The following MTMR7 variants were observed in gnomAD, a reference collection of about 807,000 sequenced individuals.
The protein encoded by MTMR7 is phosphatidylinositol-3-phosphate phosphatase MTMR7.
MTMR7 carries 76 observed loss-of-function variants against 81.2 expected under a neutral mutation model. The ratio of observed to expected loss-of-function variants is 0.94; its 90% CI spans 0.78 to 1.13. The LOEUF (loss-of-function observed/expected upper bound fraction) is 1.13. Among genes scored for constraint, MTMR7 ranks in the 50% most tolerant of loss-of-function variants. The pLI is 0.00. For missense variants in MTMR7, 1,044 were observed against 820.0 expected, an observed-to-expected ratio of 1.27 and a Z score of -3.34; for synonymous variants, 372 against 289.8, an observed-to-expected ratio of 1.28 and a Z score of -2.88.
At chr8:17,343,272 C>G (rs1305418011) in intron 5 of MTMR7, among the ~76,000 whole-genome samples, 1 of 151,974 alleles carries the variant, frequency 6.6e-6, no homozygotes, top group African/African-American at 2.4e-5. Flanking sequence ...ACTAAAAATA[C>G]AACAAACATT....
At chr8:17,383,435 C>A (rs1820823610) in intron 1 of MTMR7, among the ~76,000 whole-genome samples, 1 of 152,190 alleles carries the variant, frequency 6.6e-6, no homozygotes, top group Admixed American at 6.5e-5. Context: ...TTAGCTGAGA[C>A]AAAGACATGA....
intron 1 of MTMR7, among the ~76,000 whole-genome samples, chr8:17,393,785 C>G (rs115407127): frequency 0.019 from 2,921 of 152,226 alleles, 93 homozygotes; most frequent in African/African-American, 0.067. Flanking sequence ...ATCTGTACAA[C>G]AAACCACTCT....
At chr8:17,308,851 C>T (rs1025086819) in intron 10 of MTMR7, among the ~76,000 whole-genome samples, 1 of 152,186 alleles carries the variant, frequency 6.6e-6, no homozygotes, top group African/African-American at 2.4e-5. Flanking sequence ...CCAGAGACAT[C>T]TGGGACAAAC....
At chr8:17,343,693 T>C (rs1394674469) in intron 5 of MTMR7, among the ~76,000 whole-genome samples, 1 of 152,238 alleles carries the variant, frequency 6.6e-6, no homozygotes, top group Admixed American at 6.5e-5. Context: ...ATGTGGTCGA[T>C]AAATTAAAAC....
chr8:17,320,715 G>A (rs780842951), intron 7 of MTMR7, among the ~76,000 whole-genome samples: 4 of 152,178 alleles, frequency 2.6e-5, no homozygotes, highest in African/African-American at 7.2e-5. Context: ...CTGATGCCTT[G>A]TGACAGTGCC....
intron 4 of MTMR7, chr8:17,349,289 C>G: frequency 2.0e-6 from 1 of 511,142 alleles, no homozygotes; most frequent in South Asian, 2.8e-5. Flanking sequence ...GGAACGCAAG[C>G]TACCCTTAGT....
At chr8:17,412,138 C>T (rs1045771369) in intron 1 of MTMR7, among the ~76,000 whole-genome samples, 1 of 152,230 alleles carries the variant, frequency 6.6e-6, no homozygotes, top group African/African-American at 2.4e-5. Flanking sequence ...TCGGAACTGA[C>T]ATTCTCCAGC....
rs1205902157 is a variant in MTMR7 at position 17,331,141 on chromosome 8, A to G, written c.865+9T>C. 1 of 1,609,450 alleles carries G rather than the reference A, an allele frequency of 6.2e-7. No individual in the cohort carries two copies. The highest frequency in any genetic ancestry group is 8.5e-7 in the Non-Finnish European group (1 of 1,178,752). On this transcript the variant is annotated intron_variant, in intron 7 of 13. Coordinates refer to ENST00000180173, the MANE Select transcript of MTMR7 (RefSeq NM_004686.5). ...GCATTTTAATGCTGTGCATAAGGAAATGGTTTACCTTCCAGCATTTTCTGC... is the reference window on the plus strand; with the variant it reads ...GCATTTTAATGCTGTGCATAAGGAAGTGGTTTACCTTCCAGCATTTTCTGC...
intron 7 of MTMR7, among the ~76,000 whole-genome samples, chr8:17,321,888 A>G (rs1818405827): frequency 6.6e-6 from 1 of 152,236 alleles, no homozygotes; most frequent in African/African-American, 2.4e-5. Context: ...GACAAAAGAT[A>G]TAATTTTAGG....
chr8:17,373,357 C>T lies in MTMR7; in HGVS notation c.25-117G>A, dbSNP rs1820478293. The T allele has an allele frequency of 3.1e-6, 4 of 1,297,026 alleles. No individual in the cohort carries two copies. In the East Asian group the frequency reaches 1.0e-4, roughly 33 times the overall value. 80.3% of individuals were successfully genotyped at this position (1,297,026 alleles called of 1,614,324 possible). On this transcript the variant is annotated intron_variant, in intron 1 of 13. Coordinates refer to ENST00000180173, the MANE Select transcript of MTMR7 (RefSeq NM_004686.5). ...AAAATACAATTTTTTGAGAATTCCC[C>T]CAATAATAAAAACCAAAAACTTCCC... is the stretch of plus-strand genomic sequence containing the variant.
At chr8:17,406,865 G>A (rs1402222393) in intron 1 of MTMR7, among the ~76,000 whole-genome samples, 1 of 151,978 alleles carries the variant, frequency 6.6e-6, no homozygotes, top group African/African-American at 2.4e-5. Context: ...GGTCACAAAA[G>A]GCCACATATT....
At chr8:17,377,522 T>A (rs1415663959) in intron 1 of MTMR7, among the ~76,000 whole-genome samples, 8 of 152,144 alleles carry the variant, frequency 5.3e-5, no homozygotes, top group African/African-American at 1.9e-4. Context: ...TTCTACTTTG[T>A]TAATTTCTGG....
chr8:17,322,395 A>T (rs4345598), intron 7 of MTMR7, among the ~76,000 whole-genome samples: 90,173 of 152,148 alleles, frequency 0.59, 28,867 homozygotes, highest in African/African-American at 0.83. Context: ...CTATTAGTAT[A>T]TATGAATGTG....
At chr8:17,399,216 T>A (rs901287205) in intron 1 of MTMR7, among the ~76,000 whole-genome samples, 3 of 151,982 alleles carry the variant, frequency 2.0e-5, no homozygotes. Context: ...GATGATATGA[T>A]CTTATATTTG....
At chr8:17,331,656 T>C (rs971170864) in intron 6 of MTMR7, among the ~76,000 whole-genome samples, 1 of 152,206 alleles carries the variant, frequency 6.6e-6, no homozygotes, top group African/African-American at 2.4e-5. Flanking sequence ...CAGAAGAATA[T>C]CAGCAGAAAC....
At chr8:17,355,371 A>C (rs1487902174) in intron 4 of MTMR7, among the ~76,000 whole-genome samples, 2 of 152,186 alleles carry the variant, frequency 1.3e-5, no homozygotes, top group Admixed American at 6.5e-5. Context: ...AATTAAGAGG[A>C]AGATTCAGTG....
chr8:17,395,526 A>G (rs1018636401), intron 1 of MTMR7, among the ~76,000 whole-genome samples: 3 of 152,204 alleles, frequency 2.0e-5, no homozygotes, highest in African/African-American at 7.2e-5. Context: ...ACCAGTTTAC[A>G]TTATCACCAA....
rs565650057 is a variant in MTMR7, at chr8:17,400,827, T to A, written c.24+12442A>T. ...TGTAGATGTGGCAGTATTTCTTTTT[T>A]AAGTTTTCCAAGTAAGAATAGATTG... is the stretch of plus-strand genomic sequence containing the variant. On this transcript the variant is annotated intron_variant, in intron 1 of 13. Transcript: ENST00000180173. Among the ~76,000 whole-genome samples, 157 of 151,246 alleles carry A rather than the reference T, an allele frequency of 1.0e-3. 2 individuals carry two copies. Among genetic ancestry groups the A allele is most frequent in the African/African-American group, 3.7e-3 (151 of 41,150 alleles).
intron 3 of MTMR7, among the ~76,000 whole-genome samples, 179 bp from the exon 4 acceptor site, chr8:17,361,453 T>G (rs971039638): frequency 1.1e-4 from 16 of 152,172 alleles, no homozygotes; most frequent in Non-Finnish European, 2.1e-4. Flanking sequence ...CTCCCACCAA[T>G]GACAAGATGA....
Sources: gnomAD v4.1 joint callset for allele counts (sites outside exome capture counted in the v4.1 genomes callset) on GRCh38, gnomAD v4.1.1 for gene constraint, MANE v1.5 for transcripts, NCBI Gene and HGNC (gene_info 2026-07-23, HGNC 2026-07-21) for gene names.